RB1CC1: variants seen among roughly 807,000 people sequenced by gnomAD.
RB1CC1 encodes the protein RB1 inducible coiled-coil 1.
Under a neutral mutation model 177.5 loss-of-function variants are expected in RB1CC1, and 46 were observed. The ratio of observed to expected loss-of-function variants is 0.26; its 90% CI spans 0.20 to 0.33. The LOEUF (loss-of-function observed/expected upper bound fraction) is 0.33, where lower values mean the gene tolerates loss of function less well. RB1CC1 is among the 10% of genes least tolerant of loss of function. RB1CC1 has a pLI of 1.00. For missense variants in RB1CC1, 1,703 were observed against 1,816.3 expected, an observed-to-expected ratio of 0.94 and a Z score of 1.13; for synonymous variants, 666 against 613.6, an observed-to-expected ratio of 1.09 and a Z score of -1.26.
chr8:52,693,491 G>A (rs776260735), intron 1 of RB1CC1, among the ~76,000 whole-genome samples: 3 of 152,100 alleles, frequency 2.0e-5, no homozygotes, highest in Non-Finnish European at 4.4e-5. Context: ...GATCATTAGA[G>A]AAATGTAAAG....
intron 15 of RB1CC1, among the ~76,000 whole-genome samples, chr8:52,651,682 G>A (rs944409210): frequency 6.6e-6 from 1 of 152,158 alleles, no homozygotes; most frequent in Non-Finnish European, 1.5e-5. Flanking sequence ...ACTTGTAGTC[G>A]TTTTCTTTCA....
In RB1CC1 at chr8:52,622,865, CCTT is replaced by C. The variant is rs1848150591; in HGVS notation, c.*914_*916del. The C allele has an allele frequency of 6.6e-6, 1 of 151,968 alleles. No individual in the cohort carries two copies. 9.4% of individuals were successfully genotyped at this position (151,968 alleles called of 1,614,324 possible). A position where few individuals can be genotyped will look rare whatever the true frequency, so the allele number is the denominator to read the frequency against. On this transcript the variant is annotated 3_prime_UTR_variant, in exon 24 of 24. Coordinates refer to ENST00000025008, the MANE Select transcript of RB1CC1 (RefSeq NM_014781.5). ...TCACTCAAATATATTAAAAATGTATCCTTCTTTAAAAGGCACACACATTTACAG... is the reference window on the plus strand; with the variant it reads ...TCACTCAAATATATTAAAAATGTATCCTTTAAAAGGCACACACATTTACAG...
In RB1CC1 at chr8:52,639,904, A is replaced by AT. The variant is rs1849430686; in HGVS notation, c.4337+2446dup. Among the ~76,000 whole-genome samples the AT allele has an allele frequency of 3.3e-5, 5 of 152,186 alleles. No homozygotes were observed. In the South Asian group the frequency reaches 1.0e-3, roughly 31 times the overall value. On this transcript the variant is annotated intron_variant, in intron 18 of 23. Coordinates refer to ENST00000025008, the MANE Select transcript of RB1CC1 (RefSeq NM_014781.5). ...CTTGTATTTATAATTCACAGGTGAG[A>AT]TTAACTTGTATCATGTTCTCTGTAA...
intron 20 of RB1CC1, among the ~76,000 whole-genome samples, chr8:52,631,738 G>C (rs1020227568): frequency 3.3e-5 from 5 of 152,140 alleles, no homozygotes; most frequent in Non-Finnish European, 5.9e-5. Context: ...ACCACAGCGT[G>C]CTCAGTCCTC....
At chr8:52,644,302 C>T (rs1849818079) in intron 16 of RB1CC1, among the ~76,000 whole-genome samples, 1 of 152,034 alleles carries the variant, frequency 6.6e-6, no homozygotes, top group Admixed American at 6.6e-5. Context: ...GTCATTTCTC[C>T]CACTCTTATT....
chr8:52,673,835 C>T lies in RB1CC1; in HGVS notation c.1002+10G>A, dbSNP rs377327782. 11 of 1,576,932 alleles carry T rather than the reference C, an allele frequency of 7.0e-6. No individual in the cohort carries two copies. The highest frequency in any genetic ancestry group is 1.4e-5 in the African/African-American group (1 of 73,124). ...AATGACAAAACAAACATCAAATTAA[C>T]GTTACTTACCCTGCTCATAGAATCA... On this transcript the variant is annotated intron_variant, in intron 7 of 23. Transcript: ENST00000025008.
At chr8:52,679,887 CG>C (rs1274793855) in intron 5 of RB1CC1, among the ~76,000 whole-genome samples, 2 of 151,840 alleles carry the variant, frequency 1.3e-5, no homozygotes, top group Non-Finnish European at 2.9e-5. Context: ...AAGGAAAAAA[CG>C]TGAGAAAAAG....
chr8:52,629,745 C>A (rs1476862484), intron 21 of RB1CC1, among the ~76,000 whole-genome samples: 2 of 152,190 alleles, frequency 1.3e-5, no homozygotes, highest in Non-Finnish European at 2.9e-5. Context: ...TTAACCTAGA[C>A]ATTCCTTTCT....
At position 52,714,096 on chromosome 8, in the gene RB1CC1, C is replaced by CCGG. The variant is rs1192980142; in HGVS notation, c.-191_-189dup. The CCGG allele has an allele frequency of 5.7e-6, 2 of 351,960 alleles. No individual in the cohort carries two copies. Among genetic ancestry groups the CCGG allele is most frequent in the Admixed American group, 3.5e-5 (1 of 28,950 alleles). 21.8% of individuals were successfully genotyped at this position (351,960 alleles called of 1,614,324 possible). On this transcript the variant is annotated 5_prime_UTR_variant, in exon 1 of 24. Coordinates refer to ENST00000025008, the MANE Select transcript of RB1CC1 (RefSeq NM_014781.5). ...TTACCCGGCAACGCCTCCTCCTTCG[C>CCGG]CGGCGGCAGCAGCAGAGCCAGCGAC...
intron 6 of RB1CC1, 100 bp from the exon 7 acceptor site, chr8:52,674,374 A>C (rs201033123): frequency 6.2e-5 from 63 of 1,013,362 alleles, no homozygotes; most frequent in Non-Finnish European, 8.9e-5. Context: ...CACAAATCTC[A>C]CCACCTCTCC....
rs180745060 is a variant in RB1CC1, at chr8:52,653,435, C to T, written c.3821+2573G>A. Reference sequence around the variant, plus strand: ...AGAGAAATCTGTGGTAGTGGTTGTCCGTAGGCCCTAATAGAATGAACCGGT... The same window carrying T: ...AGAGAAATCTGTGGTAGTGGTTGTCTGTAGGCCCTAATAGAATGAACCGGT... On this transcript the variant is annotated intron_variant, in intron 15 of 23. Coordinates refer to ENST00000025008, the MANE Select transcript of RB1CC1 (RefSeq NM_014781.5). Among the ~76,000 whole-genome samples the T allele has an allele frequency of 1.0e-3, 157 of 152,114 alleles. 1 individual carries two copies. The highest frequency in any genetic ancestry group is 3.6e-3 in the African/African-American group (151 of 41,514).
intron 6 of RB1CC1, among the ~76,000 whole-genome samples, chr8:52,675,888 G>GAAAAA (rs1268855883): frequency 3.4e-4 from 24 of 71,314 alleles, no homozygotes; most frequent in Middle Eastern, 0.01. Context: ...CTCCGTCTCA[G>GAAAAA]AAAAAAAAAA....
At chr8:52,644,673 G>A (rs1353688277) in intron 16 of RB1CC1, among the ~76,000 whole-genome samples, 3 of 151,756 alleles carry the variant, frequency 2.0e-5, no homozygotes, top group Non-Finnish European at 4.4e-5. Context: ...CCTTTTCCCA[G>A]GCTCTTCTTT....
chr8:52,624,628 G>T, intron 23 of RB1CC1, 89 bp downstream of exon 23: 1 of 1,076,372 alleles, frequency 9.3e-7, no homozygotes, highest in Non-Finnish European at 1.4e-6. Context: ...TAAAGGCCAA[G>T]AACAGCAGTG....
At chr8:52,632,184 G>A (rs1314054802) in intron 20 of RB1CC1, among the ~76,000 whole-genome samples, 1 of 152,106 alleles carries the variant, frequency 6.6e-6, no homozygotes, top group Non-Finnish European at 1.5e-5. Flanking sequence ...CATAAGACCT[G>A]AAGCATGGAA....
intron 1 of RB1CC1, among the ~76,000 whole-genome samples, chr8:52,706,651 G>C (rs925758251): frequency 6.6e-6 from 1 of 150,988 alleles, no homozygotes; most frequent in Non-Finnish European, 1.5e-5. Flanking sequence ...AGAATGGCGT[G>C]AACCCAGGAG....
At position 52,630,517 on chromosome 8, in the gene RB1CC1, GCT is replaced by G; in HGVS notation, c.4450_4451del (p.Ser1484HisfsTer10). 6.4e-7 allele frequency: 1 copy of G among 1,564,960 alleles called. No homozygotes were observed. Among genetic ancestry groups the G allele is most frequent in the Non-Finnish European group, 8.6e-7 (1 of 1,161,210 alleles). On this transcript the variant is annotated frameshift_variant, in exon 21 of 24. Coordinates refer to ENST00000025008, the MANE Select transcript of RB1CC1 (RefSeq NM_014781.5). LOFTEE classifies it high-confidence loss of function. ...AATGCCTTGAAGATACTGAAGACAT[GCT>G]CTGAGACATCTAAAAAAAAAAAAAA... is the stretch of plus-strand genomic sequence containing the variant. ...KRLNQRLMSQ[S>X]MSSVSSRHSE...
rs1343877842 is a variant in RB1CC1, at chr8:52,657,812, G to C, written c.2017C>G (p.Pro673Ala). Residue 673 changes from proline (P) to alanine (A), a missense_variant, in exon 15 of 24, where the codon CCA becomes GCA. Coordinates refer to ENST00000025008, the MANE Select transcript of RB1CC1 (RefSeq NM_014781.5). Reference protein sequence around the residue: ...TTTTSPRTPPPLTVQDPLCPA... With the variant: ...TTTTSPRTPPALTVQDPLCPA... Reference sequence around the variant, plus strand: ...CATAAGGGATCCTGAACAGTCAGTGGTGGAGGAGTTCTCGGTGAGGTAGTA... The same window carrying C: ...CATAAGGGATCCTGAACAGTCAGTGCTGGAGGAGTTCTCGGTGAGGTAGTA... 6.2e-7 allele frequency: 1 copy of C among 1,613,940 alleles called. No individual in the cohort carries two copies.
At chr8:52,665,598 T>C (rs1414910565) in intron 8 of RB1CC1, among the ~76,000 whole-genome samples, 1 of 152,220 alleles carries the variant, frequency 6.6e-6, no homozygotes, top group Non-Finnish European at 1.5e-5. Context: ...ATTCATTCTA[T>C]GGAAGTTAAA....
Sources: gnomAD v4.1 joint callset for allele counts (sites outside exome capture counted in the v4.1 genomes callset) on GRCh38, gnomAD v4.1.1 for gene constraint, MANE v1.5 for transcripts, NCBI Gene and HGNC (gene_info 2026-07-23, HGNC 2026-07-21) for gene names.